The following SLCO3A1 variants were observed in gnomAD, a reference collection of about 807,000 sequenced individuals.
SLCO3A1 encodes PGE1 transporter.
SLCO3A1 carries 27 observed loss-of-function variants against 63.1 expected under a neutral mutation model. That is an observed-to-expected ratio of 0.43 (90% confidence interval 0.32 to 0.59). The LOEUF (loss-of-function observed/expected upper bound fraction) is 0.59, where lower values mean the gene tolerates loss of function less well. SLCO3A1 is among the 20% of genes least tolerant of loss of function. The probability of loss-of-function intolerance (pLI) is 0.09; values close to 1 mark genes in which losing one functional copy is unlikely to be tolerated. For missense variants in SLCO3A1, 773 were observed against 945.8 expected (o/e 0.82, Z 2.40); for synonymous variants, 473 against 409.9 (o/e 1.15, Z -1.86).
chr15:91,970,386 G>T (rs1007949812), intron 2 of SLCO3A1, among the ~76,000 whole-genome samples: 2 of 152,216 alleles, frequency 1.3e-5, no homozygotes, highest in African/African-American at 4.8e-5. Context: ...ACACCCTGGA[G>T]CAGCCAGCAA....
chr15:91,928,999 G>A (rs932217066), intron 2 of SLCO3A1, among the ~76,000 whole-genome samples: 20 of 152,116 alleles, frequency 1.3e-4, no homozygotes, highest in African/African-American at 4.3e-4. Context: ...AGACGCCAGC[G>A]GGGACAAAAA....
rs142134671 is a variant in SLCO3A1 at position 91,995,760 on chromosome 15, A to T, written c.646+79302A>T. Among the ~76,000 whole-genome samples the T allele has an allele frequency of 5.6e-3, 846 of 150,268 alleles. 8 individuals are homozygous for T. Among genetic ancestry groups the T allele is most frequent in the Non-Finnish European group, 8.9e-3 (602 of 67,540 alleles). ...AAAAAAAAAAAAAAAAAACTTGTAC[A>T]TGTCTGTATACACAAGATGGAAAAA... On this transcript the variant is annotated intron_variant, in intron 2 of 9. Transcript: ENST00000318445.
chr15:91,970,303 T>C lies in SLCO3A1; in HGVS notation c.646+53845T>C, dbSNP rs572559026. On this transcript the variant is annotated intron_variant, in intron 2 of 9. Coordinates refer to ENST00000318445, the MANE Select transcript of SLCO3A1 (RefSeq NM_013272.4). ...CATGCCTGTCTTTGGGCTCTGTTTC[T>C]AAAACAAGGAGAGTGGTGATGAAAT... 2.9e-4 allele frequency among the ~76,000 whole-genome samples: 44 copies of C among 152,314 alleles called. 1 individual carries two copies. The highest frequency in any genetic ancestry group is 1.0e-3 in the African/African-American group (43 of 41,572).
intron 2 of SLCO3A1, among the ~76,000 whole-genome samples, chr15:92,005,240 G>A (rs1380498513): frequency 1.3e-5 from 2 of 152,216 alleles, no homozygotes; most frequent in African/African-American, 4.8e-5. Context: ...CATCAAGGTA[G>A]CTCTGCCCAC....
At chr15:91,952,244 C>G (rs1900024281) in intron 2 of SLCO3A1, among the ~76,000 whole-genome samples, 1 of 152,104 alleles carries the variant, frequency 6.6e-6, no homozygotes, top group Non-Finnish European at 1.5e-5. Context: ...TGTAAGAGGT[C>G]TTTGTATTTT....
intron 2 of SLCO3A1, among the ~76,000 whole-genome samples, chr15:91,979,684 C>T (rs1158569500): frequency 6.6e-6 from 1 of 152,196 alleles, no homozygotes; most frequent in Non-Finnish European, 1.5e-5. Context: ...GAGGCTTTAT[C>T]TCATTAAACC....
intron 2 of SLCO3A1, among the ~76,000 whole-genome samples, chr15:91,976,988 A>G (rs1901139993): frequency 6.6e-6 from 1 of 152,156 alleles, no homozygotes; most frequent in South Asian, 2.1e-4. Context: ...CAGGGTTTTG[A>G]GATCAACCAG....
At chr15:92,152,348 C>G (rs2048317086) in intron 9 of SLCO3A1, among the ~76,000 whole-genome samples, 1 of 152,216 alleles carries the variant, frequency 6.6e-6, no homozygotes, top group Non-Finnish European at 1.5e-5. Context: ...TGATCATTCC[C>G]TCTGTGCCTG....
Position 92,132,336 on chromosome 15 carries a change from T to A in SLCO3A1, c.1512+3847T>A, listed in dbSNP as rs77211405. Reference sequence around the variant, plus strand: ...ACTTTTCTTCCTGCTCTGGATTGGATTTTTTTTTTTTATTTTCTTATATCT... The same window carrying A: ...ACTTTTCTTCCTGCTCTGGATTGGAATTTTTTTTTTTATTTTCTTATATCT... On this transcript the variant is annotated intron_variant, in intron 7 of 9. Coordinates refer to ENST00000318445, the MANE Select transcript of SLCO3A1 (RefSeq NM_013272.4). 2.9e-5 allele frequency among the ~76,000 whole-genome samples: 4 copies of A among 138,716 alleles called. 1 individual carries two copies. Among genetic ancestry groups the A allele is most frequent in the African/African-American group, 1.0e-4 (4 of 38,196 alleles). 91.0% of individuals were successfully genotyped at this position (138,716 alleles called of 152,430 possible). A position where few individuals can be genotyped will look rare whatever the true frequency, so the allele number is the denominator to read the frequency against.
chr15:91,888,617 T>C (rs1897786824), intron 1 of SLCO3A1, among the ~76,000 whole-genome samples: 1 of 152,144 alleles, frequency 6.6e-6, no homozygotes, highest in African/African-American at 2.4e-5. Flanking sequence ...ATTAGCAGGA[T>C]TAACCTGTAA....
chr15:91,957,116 A>AATATATAGTATATATATT lies in SLCO3A1; in HGVS notation c.646+40665_646+40666insGTATATATATTATATATA. Among the ~76,000 whole-genome samples, 5 of 11,884 alleles carry AATATATAGTATATATATT rather than the reference A, an allele frequency of 4.2e-4. 1 individual carries two copies. The African/African-American group carries it at 6.4e-3, about 15-fold the overall frequency. 7.8% of individuals were successfully genotyped at this position (11,884 alleles called of 152,430 possible). A position where few individuals can be genotyped will look rare whatever the true frequency, so the allele number is the denominator to read the frequency against. ...TAATATATATAATATATATATATAT[A>AATATATAGTATATATATT]ATATATATAATATATATACTATATA... On this transcript the variant is annotated intron_variant, in intron 2 of 9. Coordinates refer to ENST00000318445, the MANE Select transcript of SLCO3A1 (RefSeq NM_013272.4).
chr15:92,099,348 C>T (rs573038007), intron 3 of SLCO3A1, among the ~76,000 whole-genome samples: 2 of 152,262 alleles, frequency 1.3e-5, no homozygotes, highest in African/African-American at 4.8e-5. Context: ...TTCCTGTCTC[C>T]AGTTTCTAAT....
chr15:92,110,425 T>C (rs1466729045), intron 4 of SLCO3A1, among the ~76,000 whole-genome samples: 4 of 152,174 alleles, frequency 2.6e-5, no homozygotes, highest in Non-Finnish European at 5.9e-5. Context: ...AGTCCTTCCA[T>C]GGTCTCTGAG....
At chr15:91,917,531 G>T (rs1164670428) in intron 2 of SLCO3A1, among the ~76,000 whole-genome samples, 1 of 152,172 alleles carries the variant, frequency 6.6e-6, no homozygotes, top group East Asian at 1.9e-4. Context: ...GAACACGGAT[G>T]TTGCACGCGG....
At chr15:92,102,402 A>ATC (rs149655435) in intron 3 of SLCO3A1, among the ~76,000 whole-genome samples, 1 of 152,140 alleles carries the variant, frequency 6.6e-6, no homozygotes, top group Non-Finnish European at 1.5e-5. Flanking sequence ...GAATAACAAG[A>ATC]TCTCTCTCTA....
At chr15:91,959,763 C>G (rs1300784460) in intron 2 of SLCO3A1, among the ~76,000 whole-genome samples, 1 of 148,152 alleles carries the variant, frequency 6.7e-6, no homozygotes, top group African/African-American at 2.5e-5. Flanking sequence ...AAAAAATATA[C>G]ACAGTTCAGT....
At chr15:92,116,710 CTAAT>C (rs1186197323) in intron 4 of SLCO3A1, among the ~76,000 whole-genome samples, 1 of 152,206 alleles carries the variant, frequency 6.6e-6, no homozygotes, top group African/African-American at 2.4e-5. Context: ...TAGGAGCAAA[CTAAT>C]TAATAGCCCT....
chr15:92,146,688 CT>C (rs1379085184), intron 7 of SLCO3A1, among the ~76,000 whole-genome samples: 2 of 152,206 alleles, frequency 1.3e-5, no homozygotes, highest in Non-Finnish European at 2.9e-5. Flanking sequence ...AATTTCCTCT[CT>C]AATTGTATTG....
At chr15:92,052,030 A>C (rs1223287227) in intron 2 of SLCO3A1, among the ~76,000 whole-genome samples, 2 of 152,104 alleles carry the variant, frequency 1.3e-5, no homozygotes, top group Non-Finnish European at 2.9e-5. Context: ...CGGTCTCCTA[A>C]TCCCCGGGCT....
Sources: gnomAD v4.1 joint callset for allele counts (sites outside exome capture counted in the v4.1 genomes callset) on GRCh38, gnomAD v4.1.1 for gene constraint, MANE v1.5 for transcripts, NCBI Gene and HGNC (gene_info 2026-07-23, HGNC 2026-07-21) for gene names.